CDK6: variants seen among roughly 807,000 people sequenced by gnomAD.
CDK6 encodes cyclin-dependent kinase 6.
Under a neutral mutation model 37.1 loss-of-function variants are expected in CDK6, and 6 were observed. That is an observed-to-expected ratio of 0.16 (90% confidence interval 0.09 to 0.32). CDK6 has a LOEUF of 0.32. CDK6 is among the 10% of genes least tolerant of loss of function. The pLI is 1.00. For missense variants in CDK6, 224 were observed against 418.9 expected (o/e 0.53, Z 4.06); for synonymous variants, 160 against 161.3 (o/e 0.99, Z 0.06).
chr7:92,821,873 C>T (rs947593862), intron 2 of CDK6, among the ~76,000 whole-genome samples: 2 of 151,946 alleles, frequency 1.3e-5, no homozygotes, highest in Non-Finnish European at 2.9e-5. Context: ...GGACAAGGTT[C>T]ATAATGGGAC....
chr7:92,722,893 C>A (rs1798400389), intron 4 of CDK6, among the ~76,000 whole-genome samples: 1 of 152,106 alleles, frequency 6.6e-6, no homozygotes, highest in Non-Finnish European at 1.5e-5. Context: ...AGACAGAAAA[C>A]AGTATTATAG....
intron 4 of CDK6, among the ~76,000 whole-genome samples, chr7:92,705,987 A>G (rs1371980532): frequency 6.6e-6 from 1 of 152,206 alleles, no homozygotes; most frequent in African/African-American, 2.4e-5. Context: ...AAGCCTCAGG[A>G]ATTTCTTTTA....
chr7:92,613,048 T>C lies in CDK6; in HGVS notation c.*2092A>G, dbSNP rs1009068520. ...AGTACTGACAACACCTAATCAATGT[T>C]GTCACAACGAAAGTAGAAAACATTT... On this transcript the variant is annotated 3_prime_UTR_variant, in exon 8 of 8. Coordinates refer to ENST00000424848, the MANE Select transcript of CDK6 (RefSeq NM_001145306.2). The C allele has an allele frequency of 4.3e-6, 1 of 233,032 alleles. No homozygotes were observed. The highest frequency in any genetic ancestry group is 5.6e-5 in the Admixed American group (1 of 17,776). The allele number at this position is 233,032 out of a possible 1,614,324, so 14.4% of individuals were successfully genotyped here.
At chr7:92,720,949 T>C (rs1798350940) in intron 4 of CDK6, among the ~76,000 whole-genome samples, 1 of 152,332 alleles carries the variant, frequency 6.6e-6, no homozygotes, top group East Asian at 1.9e-4. Flanking sequence ...CTATCAGCTA[T>C]GTACAATGGA....
At chr7:92,793,655 A>C (rs1800335449) in intron 2 of CDK6, among the ~76,000 whole-genome samples, 1 of 152,182 alleles carries the variant, frequency 6.6e-6, no homozygotes, top group Non-Finnish European at 1.5e-5. Flanking sequence ...CTCTTAGAAA[A>C]AAACATAGCA....
At chr7:92,630,314 T>C (rs1474984003) in intron 5 of CDK6, among the ~76,000 whole-genome samples, 1 of 88,840 alleles carries the variant, frequency 1.1e-5, no homozygotes, top group Non-Finnish European at 2.1e-5. Flanking sequence ...TTATTTCCCT[T>C]CCAAAGCCTC....
chr7:92,830,010 T>A (rs1442044937), intron 2 of CDK6, among the ~76,000 whole-genome samples: 1 of 152,232 alleles, frequency 6.6e-6, no homozygotes, highest in Admixed American at 6.5e-5. Flanking sequence ...AACAGACTGC[T>A]GACAAAACAT....
At chr7:92,643,664 A>G (rs960588485) in intron 5 of CDK6, among the ~76,000 whole-genome samples, 1 of 151,956 alleles carries the variant, frequency 6.6e-6, no homozygotes, top group African/African-American at 2.4e-5. Context: ...ATTTTTGAGT[A>G]CTCTTCAAGG....
At chr7:92,686,411 G>A (rs942854923) in intron 4 of CDK6, among the ~76,000 whole-genome samples, 5 of 151,834 alleles carry the variant, frequency 3.3e-5, no homozygotes, top group South Asian at 4.2e-4. Flanking sequence ...TAGAATAATC[G>A]TCTCCAATTC....
At chr7:92,809,013 A>G (rs1021958907) in intron 2 of CDK6, among the ~76,000 whole-genome samples, 4 of 152,322 alleles carry the variant, frequency 2.6e-5, no homozygotes, top group African/African-American at 9.6e-5. Context: ...ACATAAACAC[A>G]TTTAACAATA....
intron 3 of CDK6, among the ~76,000 whole-genome samples, chr7:92,737,234 A>G (rs1459182364): frequency 6.6e-6 from 1 of 152,220 alleles, no homozygotes; most frequent in Non-Finnish European, 1.5e-5. Context: ...AATTTTCCCC[A>G]GTTAGTATGT....
intron 2 of CDK6, among the ~76,000 whole-genome samples, chr7:92,777,335 C>T (rs1198868832): frequency 3.9e-5 from 6 of 152,136 alleles, no homozygotes; most frequent in Non-Finnish European, 7.3e-5. Flanking sequence ...CAGGTTCAAG[C>T]GATTCTCCTG....
chr7:92,739,676 T>C (rs1427313736), intron 3 of CDK6, among the ~76,000 whole-genome samples: 2 of 152,270 alleles, frequency 1.3e-5, no homozygotes, highest in South Asian at 2.1e-4. Flanking sequence ...CCTGGATTAC[T>C]ACAATGGTGT....
intron 4 of CDK6, among the ~76,000 whole-genome samples, chr7:92,680,435 G>GAA (rs778849907): frequency 0.015 from 415 of 27,922 alleles, 90 homozygotes; most frequent in African/African-American, 0.042. Context: ...TTCCATCTCA[G>GAA]AAAAAAAAAA....
At position 92,725,529 on chromosome 7, in the gene CDK6, A is replaced by C. The variant is rs559177040; in HGVS notation, c.537+97T>G. 6.2e-6 allele frequency: 8 copies of C among 1,299,514 alleles called. No individual in the cohort carries two copies. In the African/African-American group the frequency reaches 1.0e-4, roughly 17 times the overall value. 80.5% of individuals were successfully genotyped at this position (1,299,514 alleles called of 1,614,324 possible). A position where few individuals can be genotyped will look rare whatever the true frequency, so the allele number is the denominator to read the frequency against. On this transcript the variant is annotated intron_variant, in intron 4 of 7. Transcript: ENST00000424848. ...AAGACATTCTATCCACCAACTAGTC[A>C]TGGGCAGTACTAACATTAGAGACAT... is the stretch of plus-strand genomic sequence containing the variant.
chr7:92,759,505 A>AT (rs549870122), intron 3 of CDK6, among the ~76,000 whole-genome samples: 40 of 151,900 alleles, frequency 2.6e-4, no homozygotes, highest in African/African-American at 8.2e-4. Flanking sequence ...GATAAAAGTT[A>AT]TTTTTTTTAA....
intron 4 of CDK6, among the ~76,000 whole-genome samples, chr7:92,707,014 A>G (rs1354269543): frequency 6.6e-6 from 1 of 152,246 alleles, no homozygotes; most frequent in Non-Finnish European, 1.5e-5. Flanking sequence ...TAATGAAAAA[A>G]GAGAGAATGG....
rs372038642 is a variant in CDK6, at chr7:92,684,198, CT to C, written c.538-12664del. On this transcript the variant is annotated intron_variant, in intron 4 of 7. Transcript: ENST00000424848. ...GAAGAGCCAATGGCAGAACCAGGATCTGAAGCAGGTCTTATTGAACTCAGGT... is the reference window on the plus strand; with the variant it reads ...GAAGAGCCAATGGCAGAACCAGGATCGAAGCAGGTCTTATTGAACTCAGGT... 3.2e-3 allele frequency among the ~76,000 whole-genome samples: 484 copies of C among 152,294 alleles called. 1 individual carries two copies. Among genetic ancestry groups the C allele is most frequent in the African/African-American group, 0.011 (458 of 41,564 alleles).
chr7:92,726,952 A>C (rs149721445), intron 3 of CDK6, among the ~76,000 whole-genome samples: 303 of 152,336 alleles, frequency 2.0e-3, no homozygotes, highest in African/African-American at 6.9e-3. Flanking sequence ...TATTCAGTAA[A>C]TGGCAGCGCT....
Sources: gnomAD v4.1 joint callset for allele counts (sites outside exome capture counted in the v4.1 genomes callset) on GRCh38, gnomAD v4.1.1 for gene constraint, MANE v1.5 for transcripts, NCBI Gene and HGNC (gene_info 2026-07-23, HGNC 2026-07-21) for gene names.